The following UST variants were observed in gnomAD, a reference collection of about 807,000 sequenced individuals.
UST encodes uronyl 2-sulfotransferase, also known as chondroitin sulfate 2-O-sulfotransferase.
In UST, 21 loss-of-function variants were observed where a neutral mutation model predicts 45.6. That is an observed-to-expected ratio of 0.46 (90% confidence interval 0.33 to 0.66). UST has a LOEUF of 0.66. UST is among the 30% of genes least tolerant of loss of function. The pLI is 0.02. For synonymous variants in UST, 215 were observed against 200.6 expected (o/e 1.07, Z -0.61); for missense variants, 463 against 512.4 (o/e 0.90, Z 0.93).
At chr6:149,048,636 A>G (rs1474964689) in intron 7 of UST, among the ~76,000 whole-genome samples, 5 of 152,226 alleles carry the variant, frequency 3.3e-5, no homozygotes, top group African/African-American at 1.2e-4. Flanking sequence ...AAATATTTGC[A>G]ACAATGATAT....
At chr6:148,985,440 A>G (rs1781222206) in intron 5 of UST, among the ~76,000 whole-genome samples, 1 of 152,172 alleles carries the variant, frequency 6.6e-6, no homozygotes, top group Non-Finnish European at 1.5e-5. Flanking sequence ...GGAAGAGTAC[A>G]ATATAGAGGT....
At chr6:148,967,991 G>C (rs1167875378) in intron 5 of UST, among the ~76,000 whole-genome samples, 1 of 152,200 alleles carries the variant, frequency 6.6e-6, no homozygotes, top group East Asian at 1.9e-4. Context: ...ACCCCAAAGA[G>C]GATGAGGACT....
At chr6:148,770,581 C>T (rs188983130) in intron 1 of UST, among the ~76,000 whole-genome samples, 1 of 152,260 alleles carries the variant, frequency 6.6e-6, no homozygotes, top group East Asian at 1.9e-4. Flanking sequence ...TTCACAAACT[C>T]AACTCTATAA....
intron 5 of UST, among the ~76,000 whole-genome samples, chr6:149,014,774 C>T (rs1775870968): frequency 6.6e-6 from 1 of 152,204 alleles, no homozygotes; most frequent in South Asian, 2.1e-4. Flanking sequence ...TGACCATCCT[C>T]TCAGAGTCAC....
intron 1 of UST, among the ~76,000 whole-genome samples, chr6:148,791,306 T>G (rs752598924): frequency 1.3e-5 from 2 of 152,224 alleles, no homozygotes; most frequent in Non-Finnish European, 2.9e-5. Context: ...TGGATGAGCA[T>G]TGGTCACCAA....
intron 1 of UST, among the ~76,000 whole-genome samples, chr6:148,856,449 G>C (rs1203586311): frequency 6.6e-6 from 1 of 152,214 alleles, no homozygotes; most frequent in East Asian, 1.9e-4. Flanking sequence ...ATATATCAAA[G>C]TACGCATCTA....
intron 1 of UST, among the ~76,000 whole-genome samples, chr6:148,774,108 T>C (rs1024362460): frequency 1.3e-5 from 2 of 152,166 alleles, no homozygotes; most frequent in African/African-American, 4.8e-5. Flanking sequence ...GTGGCTCCTA[T>C]TCTTGGCTTT....
rs369935830 is a variant in UST, at chr6:148,953,688, C to A, written c.448-184C>A. Among the ~76,000 whole-genome samples the A allele has an allele frequency of 3.4e-5, 5 of 148,624 alleles. No individual in the cohort carries two copies. In the South Asian group the frequency reaches 1.1e-3, roughly 32 times the overall value. ...CAGAGAGGCTGAGGCAGGAGAATGGCGTGAACCCGGGAGGCGGAGCTTGCA... is the reference window on the plus strand; with the variant it reads ...CAGAGAGGCTGAGGCAGGAGAATGGAGTGAACCCGGGAGGCGGAGCTTGCA... On this transcript the variant is annotated intron_variant, in intron 3 of 7. Transcript: ENST00000367463.
At chr6:148,764,477 T>A (rs1776280465) in intron 1 of UST, among the ~76,000 whole-genome samples, 1 of 152,242 alleles carries the variant, frequency 6.6e-6, no homozygotes, top group Admixed American at 6.5e-5. Context: ...TGGATGCCTT[T>A]TATTTCTTTC....
chr6:148,851,224 G>A (rs747723522), intron 1 of UST, among the ~76,000 whole-genome samples: 14 of 152,196 alleles, frequency 9.2e-5, no homozygotes, highest in Admixed American at 2.0e-4. Context: ...ATGTAGCCTC[G>A]GGACAGATTA....
chr6:148,908,762 G>C (rs1213968222), intron 2 of UST, among the ~76,000 whole-genome samples: 2 of 152,090 alleles, frequency 1.3e-5, no homozygotes, highest in South Asian at 4.1e-4. Context: ...TGAAAGATCT[G>C]TTTTCCCTTA....
At chr6:149,028,205 T>C (rs1414829388) in intron 7 of UST, among the ~76,000 whole-genome samples, 1 of 152,138 alleles carries the variant, frequency 6.6e-6, no homozygotes, top group Admixed American at 6.5e-5. Flanking sequence ...CTAGACCCCC[T>C]CCTCCACTTA....
At chr6:148,799,030 C>T (rs1039406708) in intron 1 of UST, among the ~76,000 whole-genome samples, 14 of 152,012 alleles carry the variant, frequency 9.2e-5, no homozygotes, top group African/African-American at 3.1e-4. Flanking sequence ...CCACCATGCC[C>T]GGCTAATTTT....
chr6:149,067,425 T>C (rs900670176), intron 7 of UST, among the ~76,000 whole-genome samples: 4 of 152,174 alleles, frequency 2.6e-5, no homozygotes, highest in African/African-American at 4.8e-5. Context: ...GCGGTCACCC[T>C]CCCTGGATCC....
chr6:148,817,144 TTC>T (rs761048708), intron 1 of UST, among the ~76,000 whole-genome samples: 33 of 152,318 alleles, frequency 2.2e-4, no homozygotes, highest in Non-Finnish European at 3.4e-4. Flanking sequence ...TTTCCAGTGT[TTC>T]TGTTTGTTTG....
intron 1 of UST, among the ~76,000 whole-genome samples, chr6:148,827,982 G>A (rs61509163): frequency 0.012 from 1,873 of 151,806 alleles, 28 homozygotes; most frequent in African/African-American, 0.043. Flanking sequence ...TCTTTTTGGA[G>A]AAAAAAAGCT....
At chr6:148,980,394 T>C (rs1781106923) in intron 5 of UST, among the ~76,000 whole-genome samples, 2 of 152,196 alleles carry the variant, frequency 1.3e-5, no homozygotes, top group African/African-American at 4.8e-5. Context: ...CTAACTGCTC[T>C]CCTCAAATTC....
In UST at chr6:149,007,587, C is replaced by CT. The variant is rs377611649; in HGVS notation, c.682-11544dup. 4.4e-4 allele frequency among the ~76,000 whole-genome samples: 67 copies of CT among 150,796 alleles called. 1 individual carries two copies. The highest frequency in any genetic ancestry group is 9.2e-4 in the Admixed American group (14 of 15,156). On this transcript the variant is annotated intron_variant, in intron 5 of 7. Coordinates refer to ENST00000367463, the MANE Select transcript of UST (RefSeq NM_005715.3). The stretch of plus-strand genomic sequence containing the variant: ...ACAGGCGTGAGCCACCGCGCCTGGC[C>CT]TTTTTTTTGTATTTTTAGTAGAGAC...
At chr6:149,025,843 T>A (rs1776043088) in intron 7 of UST, among the ~76,000 whole-genome samples, 1 of 151,708 alleles carries the variant, frequency 6.6e-6, no homozygotes, top group African/African-American at 2.4e-5. Context: ...AAAGCTCGTC[T>A]CTACTAAAAA....
Sources: allele counts gnomAD v4.1 joint callset (sites outside exome capture counted in the v4.1 genomes callset), GRCh38; gene constraint gnomAD v4.1.1; transcripts MANE v1.5; gene names NCBI Gene and HGNC (gene_info 2026-07-23, HGNC 2026-07-21).